RBM25: variants seen among roughly 807,000 people sequenced by gnomAD.
RBM25 encodes the protein RNA-binding protein 25.
RBM25 carries 19 observed loss-of-function variants against 120.7 expected under a neutral mutation model. That is an observed-to-expected ratio of 0.16 (90% CI 0.11 to 0.23). The LOEUF (loss-of-function observed/expected upper bound fraction) is 0.23. Ranked by LOEUF, RBM25 falls within the 10% of genes least tolerant of loss-of-function variation. RBM25 has a pLI of 1.00. For missense variants in RBM25, 605 were observed against 1,041.5 expected (o/e 0.58, Z 5.77); for synonymous variants, 390 against 326.7 (o/e 1.19, Z -2.09).
intron 1 of RBM25, among the ~76,000 whole-genome samples, chr14:73,067,066 AAT>A (rs1491523316): frequency 7.6e-6 from 1 of 131,032 alleles, no homozygotes; most frequent in African/African-American, 2.6e-5. Context: ...GGATACATAT[AAT>A]TTTTTTTTTT....
In RBM25 at chr14:73,100,560, A is replaced by G. The variant is rs913406369; in HGVS notation, c.867+810A>G. 5 of 386,092 alleles carry G rather than the reference A, an allele frequency of 1.3e-5. No homozygotes were observed. In the South Asian group the frequency reaches 2.5e-4, roughly 20 times the overall value. 23.9% of individuals were successfully genotyped at this position (386,092 alleles called of 1,614,324 possible). A position where few individuals can be genotyped will look rare whatever the true frequency, so the allele number is the denominator to read the frequency against. ...GAAAATGATGCTTTTGAACGGTGCA[A>G]TGCAAACACTGCATGAAATGTATTT... On this transcript the variant is annotated intron_variant, in intron 9 of 18. Transcript: ENST00000261973.
intron 10 of RBM25, 149 bp downstream of exon 10, chr14:73,103,627 T>G: frequency 1.6e-6 from 2 of 1,221,150 alleles, no homozygotes; most frequent in Non-Finnish European, 2.2e-6. Flanking sequence ...CTGCAGTGGC[T>G]GAGCAATCTC....
At chr14:73,104,153 A>G (rs1431317292) in intron 10 of RBM25, among the ~76,000 whole-genome samples, 1 of 151,960 alleles carries the variant, frequency 6.6e-6, no homozygotes, top group African/African-American at 2.4e-5. Flanking sequence ...GGGCATTTTT[A>G]AAGTTGCTCT....
chr14:73,096,357 A>G (rs1261931243), intron 6 of RBM25, among the ~76,000 whole-genome samples: 1 of 152,198 alleles, frequency 6.6e-6, no homozygotes, highest in Admixed American at 6.5e-5. Flanking sequence ...TATAAGTGGT[A>G]TGTATTCCTG....
At chr14:73,078,345 A>C (rs912201825) in intron 4 of RBM25, among the ~76,000 whole-genome samples, 5 of 151,914 alleles carry the variant, frequency 3.3e-5, no homozygotes, top group Non-Finnish European at 5.9e-5. Flanking sequence ...ATAAAAAAAA[A>C]GCCAGGTGTG....
intron 17 of RBM25, among the ~76,000 whole-genome samples, chr14:73,112,723 G>A (rs948422796): frequency 2.0e-5 from 3 of 152,060 alleles, no homozygotes; most frequent in Admixed American, 6.6e-5. Context: ...AACGATCAGT[G>A]TTTATTGACT....
chr14:73,114,747 A>G (rs2140465585), intron 18 of RBM25, among the ~76,000 whole-genome samples: 1 of 152,226 alleles, frequency 6.6e-6, no homozygotes, highest in South Asian at 2.1e-4. Context: ...TACAAAAATT[A>G]GCTGTGCGTG....
intron 6 of RBM25, among the ~76,000 whole-genome samples, chr14:73,088,838 T>G (rs1895745899): frequency 6.6e-6 from 1 of 152,170 alleles, no homozygotes. Flanking sequence ...TTTATTATCT[T>G]TCAAAATAGA....
At chr14:73,099,523 A>C in intron 8 of RBM25, 90 bp downstream of exon 8, 1 of 1,584,700 alleles carries the variant, frequency 6.3e-7, no homozygotes, top group Non-Finnish European at 8.6e-7. Flanking sequence ...TCACTATTTA[A>C]CTTTAGATTG....
At chr14:73,078,722 A>G (rs2140433056) in intron 4 of RBM25, among the ~76,000 whole-genome samples, 1 of 152,300 alleles carries the variant, frequency 6.6e-6, no homozygotes, top group East Asian at 1.9e-4. Context: ...CTCATGCCTC[A>G]GCCTCCCTAG....
chr14:73,102,070 A>T (rs1896067379), intron 9 of RBM25: 1 of 152,248 alleles, frequency 6.6e-6, no homozygotes, highest in Non-Finnish European at 1.5e-5. Flanking sequence ...AGAGAAAAAG[A>T]GTATCTGACA....
intron 5 of RBM25, among the ~76,000 whole-genome samples, chr14:73,086,025 A>G (rs1252974355): frequency 6.6e-6 from 1 of 151,708 alleles, no homozygotes; most frequent in Non-Finnish European, 1.5e-5. Context: ...CTGCTTTGTT[A>G]TCTGGTATGA....
chr14:73,117,293 G>T (rs1487217629), intron 18 of RBM25, among the ~76,000 whole-genome samples: 1 of 128,462 alleles, frequency 7.8e-6, no homozygotes, highest in Non-Finnish European at 1.6e-5. Context: ...TGACAGTGGC[G>T]CGATCTTGGC....
At chr14:73,112,453 G>C (rs1170737492) in intron 17 of RBM25, among the ~76,000 whole-genome samples, 1 of 151,654 alleles carries the variant, frequency 6.6e-6, no homozygotes, top group Non-Finnish European at 1.5e-5. Context: ...ATTTATGTCT[G>C]CTTTAATGAA....
Position 73,111,051 on chromosome 14 carries a change from C to G in RBM25, c.1913C>G (p.Pro638Arg). Reference protein sequence around the residue: ...SASGNATPNTPGDESPCGIII... With the variant: ...SASGNATPNTRGDESPCGIII... ...AGTGGCAATGCAACACCTAACACTCCTGGGGATGAGTCTCCCTGTGGTATT... is the reference window on the plus strand; with the variant it reads ...AGTGGCAATGCAACACCTAACACTCGTGGGGATGAGTCTCCCTGTGGTATT... The change falls in exon 15 of 19, where the codon CCT (proline) becomes CGT (arginine). Residue 638 changes from proline (P) to arginine (R), a missense_variant. Around this residue, in one of 4 missense-constraint regions of RBM25, gnomAD observed 465 missense variants for 741.6 expected, o/e 0.63. Coordinates refer to ENST00000261973, the MANE Select transcript of RBM25 (RefSeq NM_021239.3). 1 of 1,614,170 alleles carries G rather than the reference C, an allele frequency of 6.2e-7. No individual in the cohort carries two copies. Among genetic ancestry groups the G allele is most frequent in the Non-Finnish European group, 8.5e-7 (1 of 1,180,024 alleles).
At chr14:73,091,934 A>AATG (rs200041521) in intron 6 of RBM25, among the ~76,000 whole-genome samples, 3,441 of 152,218 alleles carry the variant, frequency 0.023, 128 homozygotes, top group African/African-American at 0.076. Flanking sequence ...TTTTTAATAA[A>AATG]AAATTAAAAC....
intron 6 of RBM25, among the ~76,000 whole-genome samples, chr14:73,096,609 G>A (rs567923040): frequency 2.0e-5 from 3 of 151,734 alleles, no homozygotes; most frequent in Non-Finnish European, 4.4e-5. Flanking sequence ...TGTACCTATT[G>A]AGCAAAACAG....
intron 18 of RBM25, among the ~76,000 whole-genome samples, chr14:73,117,222 T>A (rs1008027044): frequency 4.2e-5 from 2 of 47,284 alleles, no homozygotes; most frequent in Non-Finnish European, 9.5e-5. Context: ...TTTTTTTTTT[T>A]TTTTTTTTTT....
intron 5 of RBM25, among the ~76,000 whole-genome samples, chr14:73,085,454 G>T (rs1334190367): frequency 6.7e-6 from 1 of 148,806 alleles, no homozygotes; most frequent in Non-Finnish European, 1.5e-5. Context: ...CATTTTTGTT[G>T]TTCTTGAGAT....
Sources: allele counts gnomAD v4.1 joint callset (sites outside exome capture counted in the v4.1 genomes callset), GRCh38; gene constraint gnomAD v4.1.1; regional missense constraint gnomAD v4.1.1; transcripts MANE v1.5; gene names NCBI Gene and HGNC (gene_info 2026-07-23, HGNC 2026-07-21).